RGSL1: variants seen among roughly 807,000 people sequenced by gnomAD.
The protein encoded by RGSL1 is regulator of G protein signaling like 1, also known as regulator of G protein signaling protein-like.
RGSL1 carries 97 observed loss-of-function variants against 124.7 expected under a neutral mutation model. The ratio of observed to expected loss-of-function variants is 0.78; its 90% confidence interval spans 0.66 to 0.92. RGSL1 has a LOEUF of 0.92. RGSL1 is among the 40% of genes least tolerant of loss of function. The pLI is 0.00. For synonymous variants in RGSL1, 424 were observed against 438.1 expected, an observed-to-expected ratio of 0.97 and a Z score of 0.40; for missense variants, 1,233 against 1,288.4, an observed-to-expected ratio of 0.96 and a Z score of 0.66.
At chr1:182,451,083 C>T (rs528135631) in intron 1 of RGSL1, among the ~76,000 whole-genome samples, 77 of 144,930 alleles carry the variant, frequency 5.3e-4, no homozygotes, top group African/African-American at 1.8e-3. Flanking sequence ...GAGGCAGAGT[C>T]TGCAGTGAGT....
intron 4 of RGSL1, among the ~76,000 whole-genome samples, chr1:182,470,245 C>T (rs1366224692): frequency 6.6e-6 from 1 of 152,074 alleles, no homozygotes; most frequent in East Asian, 1.9e-4. Flanking sequence ...TCACTGTCCC[C>T]ACTGCTTCTC....
chr1:182,494,633 A>G lies in RGSL1; in HGVS notation c.1825+1504A>G, dbSNP rs1362633695. On this transcript the variant is annotated intron_variant, in intron 9 of 21. Transcript: ENST00000294854. Reference sequence around the variant, plus strand: ...TTCCCTAAGTAAGTCTCTGATACTGATGGTAAATGGAACACTTCTTTCATT... The same window carrying G: ...TTCCCTAAGTAAGTCTCTGATACTGGTGGTAAATGGAACACTTCTTTCATT... 2.0e-5 allele frequency among the ~76,000 whole-genome samples: 3 copies of G among 152,172 alleles called. No individual in the cohort carries two copies. In the East Asian group the frequency reaches 5.8e-4, roughly 29 times the overall value.
intron 9 of RGSL1, among the ~76,000 whole-genome samples, chr1:182,508,456 C>T (rs1411164994): frequency 6.6e-6 from 1 of 151,652 alleles, no homozygotes; most frequent in African/African-American, 2.4e-5. Flanking sequence ...CCTGCCACCA[C>T]ACCCAGCTAG....
chr1:182,459,781 T>G (rs1457346932), intron 3 of RGSL1, among the ~76,000 whole-genome samples: 1 of 152,248 alleles, frequency 6.6e-6, no homozygotes, highest in Non-Finnish European at 1.5e-5. Flanking sequence ...GCTTTTTATT[T>G]TCTACAGATC....
chr1:182,450,142 C>G (rs1281551525), upstream of RGSL1: 8 of 1,551,864 alleles, frequency 5.2e-6, no homozygotes, highest in Non-Finnish European at 6.1e-6. Flanking sequence ...TAACAAATTA[C>G]TGTGTCAGGA....
chr1:182,520,022 G>A (rs1020238144), intron 9 of RGSL1, among the ~76,000 whole-genome samples: 2 of 151,962 alleles, frequency 1.3e-5, no homozygotes, highest in Admixed American at 6.6e-5. Context: ...CTTATTTCAA[G>A]TGCCATTTTC....
chr1:182,531,233 G>A (rs374695008), intron 13 of RGSL1, among the ~76,000 whole-genome samples: 6 of 152,190 alleles, frequency 3.9e-5, no homozygotes, highest in African/African-American at 1.4e-4. Flanking sequence ...GAACAACTTA[G>A]ACCTCCACTT....
At chr1:182,519,384 A>G (rs1307142810) in intron 9 of RGSL1, among the ~76,000 whole-genome samples, 2 of 152,182 alleles carry the variant, frequency 1.3e-5, no homozygotes, top group East Asian at 1.9e-4. Flanking sequence ...GTTTTCTATT[A>G]ACACTTTGAA....
At chr1:182,447,957 A>C (rs1651578423), upstream of RGSL1, 1 of 150,202 alleles carries the variant, frequency 6.7e-6, no homozygotes, top group Non-Finnish European at 1.5e-5. Context: ...CAGACCTAGA[A>C]GCTCTGAAAT....
At chr1:182,470,651 A>G (rs1460541843) in intron 4 of RGSL1, among the ~76,000 whole-genome samples, 5 of 152,072 alleles carry the variant, frequency 3.3e-5, no homozygotes, top group Non-Finnish European at 7.4e-5. Context: ...CTTATTTATT[A>G]TGCTTATTGT....
chr1:182,527,487 C>A, intron 10 of RGSL1, 92 bp from the exon 11 acceptor site: 2 of 1,065,156 alleles, frequency 1.9e-6, no homozygotes, highest in Non-Finnish European at 2.7e-6. Flanking sequence ...GGCCTTATAG[C>A]CTGGTCAATG....
rs554778341 is a variant in RGSL1 at position 182,556,223 on chromosome 1, G to A, written c.*165+1G>A. On this transcript the variant is annotated splice_donor_variant, in intron 21 of 21. Coordinates refer to ENST00000294854, the MANE Select transcript of RGSL1 (RefSeq NM_001137669.2). LOFTEE classifies it low-confidence loss of function (3UTR_SPLICE). The stretch of plus-strand genomic sequence containing the variant: ...ATATGGCAGGACCAGACTGCAATGG[G>A]TAAGACTTGGGCAGAGCATGAGAGG... 7.6e-6 allele frequency: 5 copies of A among 655,258 alleles called. No individual in the cohort carries two copies. Among genetic ancestry groups the A allele is most frequent in the Non-Finnish European group, 1.3e-5 (5 of 376,724 alleles). 40.6% of individuals were successfully genotyped at this position (655,258 alleles called of 1,614,324 possible). A position where few individuals can be genotyped will look rare whatever the true frequency, so the allele number is the denominator to read the frequency against.
At chr1:182,489,245 C>G in intron 8 of RGSL1, 43 bp downstream of exon 8, 3 of 1,417,628 alleles carry the variant, frequency 2.1e-6, no homozygotes, top group Non-Finnish European at 2.9e-6. Context: ...TACATATGGG[C>G]AACTGGAAAA....
At chr1:182,464,522 G>A (rs544019155) in intron 4 of RGSL1, among the ~76,000 whole-genome samples, 1 of 152,156 alleles carries the variant, frequency 6.6e-6, no homozygotes, top group East Asian at 1.9e-4. Context: ...TCAGGAGCTC[G>A]AGACCAGCCT....
intron 12 of RGSL1, 71 bp downstream of exon 12, chr1:182,530,432 A>T: frequency 1.7e-6 from 2 of 1,191,612 alleles, no homozygotes; most frequent in Non-Finnish European, 2.4e-6. Context: ...CATATGCATC[A>T]AGGGTTTCCT....
chr1:182,532,551 G>A (rs1659248712), intron 13 of RGSL1, 111 bp from the exon 14 acceptor site: 2 of 946,864 alleles, frequency 2.1e-6, no homozygotes, highest in Non-Finnish European at 3.1e-6. Context: ...TTCCTTTACG[G>A]AGGTGTTGTG....
chr1:182,554,424 A>G (rs1660743135), intron 19 of RGSL1, among the ~76,000 whole-genome samples: 1 of 152,222 alleles, frequency 6.6e-6, no homozygotes, highest in Non-Finnish European at 1.5e-5. Context: ...TTCCTGGGAC[A>G]CACACAAACA....
intron 17 of RGSL1, 58 bp downstream of exon 17, chr1:182,548,882 G>T: frequency 6.5e-7 from 1 of 1,536,984 alleles, no homozygotes; most frequent in Admixed American, 2.0e-5. Context: ...TTAGTTTGGA[G>T]AGAGTTTTCT....
intron 6 of RGSL1, among the ~76,000 whole-genome samples, chr1:182,474,766 G>T (rs1654155423): frequency 6.6e-6 from 1 of 152,184 alleles, no homozygotes; most frequent in South Asian, 2.1e-4. Context: ...CACAGCAGAA[G>T]GTGAACAGCG....
Sources: gnomAD v4.1 joint callset for allele counts (sites outside exome capture counted in the v4.1 genomes callset) on GRCh38, gnomAD v4.1.1 for gene constraint, MANE v1.5 for transcripts, NCBI Gene and HGNC (gene_info 2026-07-23, HGNC 2026-07-21) for gene names.